The following ANKH variants were observed in gnomAD, a reference collection of about 807,000 sequenced individuals.
ANKH encodes the protein mineralization regulator ANKH.
A neutral mutation model predicts 49.0 loss-of-function variants in ANKH; 15 were observed. The observed-to-expected ratio is 0.31, with a 90% CI of 0.20 to 0.47. ANKH has a LOEUF of 0.47. ANKH is among the 20% of genes least tolerant of loss of function. The pLI, the probability that ANKH is intolerant of heterozygous loss-of-function variation, is 1.00. For synonymous variants in ANKH, 273 were observed against 260.0 expected, an observed-to-expected ratio of 1.05 and a Z score of -0.48; for missense variants, 429 against 652.0, an observed-to-expected ratio of 0.66 and a Z score of 3.72.
At chr5:14,757,431 T>TATC (rs1491137786) in intron 3 of ANKH, among the ~76,000 whole-genome samples, 1 of 106,748 alleles carries the variant, frequency 9.4e-6, no homozygotes, top group African/African-American at 4.2e-5. Flanking sequence ...TATATATATA[T>TATC]TTTTTTTTTT....
chr5:14,770,996 CT>C lies in ANKH; in HGVS notation c.97-1806del, dbSNP rs561389109. The stretch of plus-strand genomic sequence containing the variant: ...TGAAAGAAGAAATGAAAGAAATGCA[CT>C]TTTCCTGTCTATTTCCTATTTCTAT... On this transcript the variant is annotated intron_variant, in intron 1 of 11. Transcript: ENST00000284268. This position sits in a 1 kb window ranked among gnomAD's most constrained non-coding sequence, Gnocchi z 4.1. Among the ~76,000 whole-genome samples the C allele has an allele frequency of 1.1e-4, 16 of 152,314 alleles. No homozygotes were observed. In the East Asian group the frequency reaches 1.5e-3, roughly 15 times the overall value.
intron 11 of ANKH, among the ~76,000 whole-genome samples, chr5:14,712,556 G>T (rs933307334): frequency 3.9e-5 from 6 of 152,222 alleles, no homozygotes; most frequent in Admixed American, 1.3e-4. Flanking sequence ...CATGTCTGCG[G>T]GTCATTCCCC....
At chr5:14,747,473 T>C (rs1738575132) in intron 6 of ANKH, among the ~76,000 whole-genome samples, 1 of 152,060 alleles carries the variant, frequency 6.6e-6, no homozygotes, top group Admixed American at 6.5e-5. Flanking sequence ...GGCAGGAGGA[T>C]CGCTTGAGCC....
At chr5:14,861,981 A>G (rs1661262646) in intron 1 of ANKH, among the ~76,000 whole-genome samples, 1 of 152,180 alleles carries the variant, frequency 6.6e-6, no homozygotes, top group Admixed American at 6.5e-5. Flanking sequence ...CACACCTGTA[A>G]TCCCAGCACT....
At chr5:14,720,614 A>AG (rs1354249239) in intron 8 of ANKH, among the ~76,000 whole-genome samples, 1 of 152,240 alleles carries the variant, frequency 6.6e-6, no homozygotes, top group Non-Finnish European at 1.5e-5. Context: ...AATTGAGCTA[A>AG]GGGATGACTG....
chr5:14,843,451 C>T (rs1478526192), intron 1 of ANKH, among the ~76,000 whole-genome samples: 1 of 147,418 alleles, frequency 6.8e-6, no homozygotes, highest in Non-Finnish European at 1.5e-5. Flanking sequence ...GCTGGGATTA[C>T]AGGTGTGAGC....
chr5:14,806,815 A>G (rs1740722146), intron 1 of ANKH, among the ~76,000 whole-genome samples: 1 of 152,232 alleles, frequency 6.6e-6, no homozygotes, highest in African/African-American at 2.4e-5. Flanking sequence ...ACTGATGCCT[A>G]TGCAGTCACA....
chr5:14,871,267 G>T, intron 1 of ANKH, 85 bp downstream of exon 1: 2 of 1,175,728 alleles, frequency 1.7e-6, no homozygotes, highest in Non-Finnish European at 2.5e-6. Flanking sequence ...GGGACTCGGA[G>T]CAGGTGACTC....
chr5:14,843,962 A>G (rs750384391), intron 1 of ANKH, among the ~76,000 whole-genome samples: 7 of 152,162 alleles, frequency 4.6e-5, no homozygotes, highest in South Asian at 2.1e-4. Context: ...TGGACACCAC[A>G]TTTTTCTCTT....
rs564781502 is a variant in ANKH, at chr5:14,801,990, A to G, written c.97-32799T>C. On this transcript the variant is annotated intron_variant, in intron 1 of 11. Coordinates refer to ENST00000284268, the MANE Select transcript of ANKH (RefSeq NM_054027.6). ...GGACAGGATGCATTTCCTACTGTGC[A>G]TTGCTGGCAGCTGTTTCCTCTGGAG... Among the ~76,000 whole-genome samples, 6 of 152,242 alleles carry G rather than the reference A, an allele frequency of 3.9e-5. No individual in the cohort carries two copies. The Middle Eastern group carries it at 0.01, about 259-fold the overall frequency.
intron 1 of ANKH, among the ~76,000 whole-genome samples, chr5:14,793,797 T>C (rs1038801608): frequency 1.3e-5 from 2 of 152,186 alleles, no homozygotes; most frequent in Non-Finnish European, 1.5e-5. Flanking sequence ...GGCAGGAGCA[T>C]TTCTCTGCCT....
Position 14,711,314 on chromosome 5 carries a change from G to C in ANKH, c.1366-4C>G. On this transcript the variant is annotated splice_region_variant and splice_polypyrimidine_tract_variant and intron_variant, in intron 11 of 11. Coordinates refer to ENST00000284268, the MANE Select transcript of ANKH (RefSeq NM_054027.6). ...ACTCATTCTCCATCTTCTTTTTCTA[G>C]ACCAAAGAAGACTCATCAGTGTGGG... 6.2e-7 allele frequency: 1 copy of C among 1,611,468 alleles called. No individual in the cohort carries two copies. Among genetic ancestry groups the C allele is most frequent in the South Asian group, 1.1e-5 (1 of 91,040 alleles).
intron 1 of ANKH, among the ~76,000 whole-genome samples, chr5:14,823,343 C>T (rs1214271697): frequency 2.0e-5 from 3 of 152,070 alleles, no homozygotes; most frequent in Non-Finnish European, 4.4e-5. Flanking sequence ...CTCTATCTCT[C>T]AGAATATCAG....
intron 1 of ANKH, among the ~76,000 whole-genome samples, chr5:14,769,658 T>C (rs575614248): frequency 2.0e-5 from 3 of 152,066 alleles, no homozygotes; most frequent in Admixed American, 6.6e-5. Context: ...TGTGTGCACA[T>C]GTAATCTTAA....
At position 14,711,269 on chromosome 5, in the gene ANKH, G is replaced by C; in HGVS notation, c.1407C>G (p.Asp469Glu). ...TCGGAGGCATGTCTGTCATGGCAGA[G>C]TCTTCCCCCTCCGTGGCCGACTCAT... is the stretch of plus-strand genomic sequence containing the variant. ...MENESATEGE[D>E]SAMTDMPPTE... Residue 469 changes from aspartate (D) to glutamate (E), a missense_variant, in exon 12 of 12, where the codon GAC becomes GAG. Asp to Glu is a conservative substitution (Grantham distance 45). Around this residue, in one of 2 missense-constraint regions of ANKH, gnomAD observed 51 missense variants for 36.7 expected, o/e 1.39. Transcript: ENST00000284268. 1 of 1,614,132 alleles carries C rather than the reference G, an allele frequency of 6.2e-7. No individual in the cohort carries two copies. Among genetic ancestry groups the C allele is most frequent in the African/African-American group, 1.3e-5 (1 of 75,022 alleles).
chr5:14,824,071 A>G (rs1444250347), intron 1 of ANKH, among the ~76,000 whole-genome samples: 23 of 152,164 alleles, frequency 1.5e-4, no homozygotes. Flanking sequence ...GATAGCTGTG[A>G]CTGCAGACAA....
chr5:14,804,038 G>T (rs899936097), intron 1 of ANKH, among the ~76,000 whole-genome samples: 2 of 152,144 alleles, frequency 1.3e-5, no homozygotes, highest in Non-Finnish European at 1.5e-5. Context: ...TGGGATTACA[G>T]GTGCGTGCCA....
chr5:14,825,274 A>G (rs1741308005), intron 1 of ANKH, among the ~76,000 whole-genome samples: 1 of 152,216 alleles, frequency 6.6e-6, no homozygotes, highest in African/African-American at 2.4e-5. Flanking sequence ...TCCATGGCCT[A>G]TCAAAACTCT....
At chr5:14,724,913 C>T (rs981498181) in intron 8 of ANKH, among the ~76,000 whole-genome samples, 1 of 152,164 alleles carries the variant, frequency 6.6e-6, no homozygotes, top group Non-Finnish European at 1.5e-5. Context: ...TTCCCCATTG[C>T]CCTGAATAAC....
Sources: gnomAD v4.1 joint callset for allele counts (sites outside exome capture counted in the v4.1 genomes callset) on GRCh38, gnomAD v4.1.1 for gene constraint, gnomAD v4.1.1 regional missense constraint, Gnocchi (gnomAD v3.1) non-coding constraint, MANE v1.5 for transcripts, NCBI Gene and HGNC (gene_info 2026-07-23, HGNC 2026-07-21) for gene names.